Variants in FANCC observed in about 807,000 individuals in gnomAD.
FANCC encodes the protein FA complementation group C.
A neutral mutation model predicts 71.3 loss-of-function variants in FANCC; 55 were observed. The observed-to-expected ratio is 0.77, with a 90% CI of 0.62 to 0.97. The LOEUF is 0.97. FANCC is among the 50% of genes least tolerant of loss of function. The pLI, the probability that FANCC is intolerant of heterozygous loss-of-function variation, is 0.00. For missense variants in FANCC, 678 were observed against 670.9 expected (o/e 1.01, Z -0.12); for synonymous variants, 275 against 244.9 (o/e 1.12, Z -1.15).
chr9:95,114,422 A>G, intron 12 of FANCC: 1 of 654,232 alleles, frequency 1.5e-6, no homozygotes, highest in Admixed American at 2.1e-5. Context: ...ACATGCATAC[A>G]TGCGCATGCC....
Position 95,143,153 on chromosome 9 carries a change from T to C in FANCC, c.686+6770A>G, listed in dbSNP as rs543310730. Among the ~76,000 whole-genome samples, 38 of 152,334 alleles carry C rather than the reference T, an allele frequency of 2.5e-4. No homozygotes were observed. The South Asian group carries it at 6.6e-3, about 27-fold the overall frequency. On this transcript the variant is annotated intron_variant, in intron 7 of 14. Transcript: ENST00000289081. ...CACTTTACTTGCCATTACCAATTTA[T>C]TCTGAAAGATACAATTCAGGAACAG...
rs189023356 is a variant in FANCC, at chr9:95,146,781, A to C, written c.686+3142T>G. On this transcript the variant is annotated intron_variant, in intron 7 of 14. Transcript: ENST00000289081. ...CTACAGCAGTAGTCAGAGGCCATGC[A>C]ACAATTTTCAAAGTGGGGTTCAAAG... Among the ~76,000 whole-genome samples, 762 of 152,070 alleles carry C rather than the reference A, an allele frequency of 5.0e-3. 8 individuals are homozygous for C. The highest frequency in any genetic ancestry group is 8.8e-3 in the Non-Finnish European group (598 of 67,970).
rs957131980 is a variant in FANCC, at chr9:95,158,082, C to T, written c.522-7995G>A. Among the ~76,000 whole-genome samples the T allele has an allele frequency of 1.2e-4, 19 of 152,162 alleles. No homozygotes were observed. The East Asian group carries it at 3.7e-3, about 29-fold the overall frequency. On this transcript the variant is annotated intron_variant, in intron 6 of 14. Transcript: ENST00000289081. ...ACCTGCCTGCCTATTTGAGACGCTA[C>T]ATGAGTGATGCACACAGGCAACTCT...
intron 6 of FANCC, among the ~76,000 whole-genome samples, chr9:95,153,577 C>T (rs1220289781): frequency 2.6e-5 from 4 of 152,106 alleles, no homozygotes; most frequent in Admixed American, 6.5e-5. Context: ...CCTGATGATT[C>T]GTGATGTTGA....
At chr9:95,239,430 GA>G (rs1386407214) in intron 4 of FANCC, among the ~76,000 whole-genome samples, 1 of 152,196 alleles carries the variant, frequency 6.6e-6, no homozygotes, top group Non-Finnish European at 1.5e-5. Flanking sequence ...GTTAAATGAA[GA>G]AAGTTAATCC....
At chr9:95,168,687 C>T (rs758180320) in intron 6 of FANCC, among the ~76,000 whole-genome samples, 6 of 152,182 alleles carry the variant, frequency 3.9e-5, no homozygotes, top group Non-Finnish European at 7.3e-5. Flanking sequence ...TAAGCCACCA[C>T]GCCCAGCTAA....
At chr9:95,127,471 C>T (rs992877991) in intron 8 of FANCC, 1 of 152,182 alleles carries the variant, frequency 6.6e-6, no homozygotes, top group Non-Finnish European at 1.5e-5. Context: ...AGAGGACAAC[C>T]CGATTCCAGG....
rs555376028 is a variant in FANCC, at chr9:95,254,296, C to T, written c.-78-4927G>A. The stretch of plus-strand genomic sequence containing the variant: ...AACCTCCACAGGCTGGCAAGATGGC[C>T]GAATAGGAACAGCTCTGGTCTGCAG... On this transcript the variant is annotated intron_variant, in intron 1 of 14. Coordinates refer to ENST00000289081, the MANE Select transcript of FANCC (RefSeq NM_000136.3). 2.1e-4 allele frequency among the ~76,000 whole-genome samples: 32 copies of T among 152,304 alleles called. No individual in the cohort carries two copies. The East Asian group carries it at 3.9e-3, about 18-fold the overall frequency.
At chr9:95,242,479 C>CAAAAAAAAAAAAAA (rs1162048314) in intron 3 of FANCC, among the ~76,000 whole-genome samples, 1 of 56,238 alleles carries the variant, frequency 1.8e-5, no homozygotes, top group Non-Finnish European at 3.7e-5. Flanking sequence ...CATTCACCAC[C>CAAAAAAAAAAAAAA]AAAAAAAAAA....
intron 1 of FANCC, among the ~76,000 whole-genome samples, chr9:95,314,949 A>G (rs1375649803): frequency 1.3e-5 from 2 of 152,164 alleles, no homozygotes; most frequent in East Asian, 3.8e-4. Flanking sequence ...AAAAAATAAC[A>G]AACTGATACT....
At position 95,101,554 on chromosome 9, in the gene FANCC, T is replaced by TA. The variant is rs1162318465; in HGVS notation, c.*152dup. 8 of 891,874 alleles carry TA rather than the reference T, an allele frequency of 9.0e-6. No homozygotes were observed. Among genetic ancestry groups the TA allele is most frequent in the African/African-American group, 1.7e-5 (1 of 60,128 alleles). The allele number at this position is 891,874 out of a possible 1,614,324, so 55.2% of individuals were successfully genotyped here. Reference sequence around the variant, plus strand: ...CTGGCTCTGCATTTTGTAAAATAGATACTAGCAGATTGTCCCAAGATGTGT... The same window carrying TA: ...CTGGCTCTGCATTTTGTAAAATAGATAACTAGCAGATTGTCCCAAGATGTGT... On this transcript the variant is annotated 3_prime_UTR_variant, in exon 15 of 15. Transcript: ENST00000289081.
At chr9:95,288,379 AG>A (rs1462286073) in intron 1 of FANCC, among the ~76,000 whole-genome samples, 1 of 152,106 alleles carries the variant, frequency 6.6e-6, no homozygotes, top group Non-Finnish European at 1.5e-5. Flanking sequence ...ATATATGTCA[AG>A]GGATTTTCTT....
rs1051087560 is a variant in FANCC at position 95,175,626 on chromosome 9, G to A, written c.346-3479C>T. On this transcript the variant is annotated intron_variant, in intron 4 of 14. Transcript: ENST00000289081. Reference sequence around the variant, plus strand: ...ATGGCTGGGTGGGCAGAGTCAGGGAGCTCAGGTACAAGCCAGCGTGCCATC... The same window carrying A: ...ATGGCTGGGTGGGCAGAGTCAGGGAACTCAGGTACAAGCCAGCGTGCCATC... 1.1e-4 allele frequency among the ~76,000 whole-genome samples: 16 copies of A among 152,328 alleles called. No individual in the cohort carries two copies. In the East Asian group the frequency reaches 3.1e-3, roughly 29 times the overall value.
At chr9:95,252,872 G>A (rs1315619115) in intron 1 of FANCC, among the ~76,000 whole-genome samples, 1 of 148,460 alleles carries the variant, frequency 6.7e-6, no homozygotes, top group African/African-American at 2.5e-5. Flanking sequence ...AACATACCAA[G>A]ACCCCATCTC....
chr9:95,290,114 C>T (rs139155510), intron 1 of FANCC, among the ~76,000 whole-genome samples: 231 of 152,286 alleles, frequency 1.5e-3, no homozygotes, highest in Non-Finnish European at 2.7e-3. Flanking sequence ...CCTGAGTAGG[C>T]ACACATGTCA....
intron 1 of FANCC, among the ~76,000 whole-genome samples, chr9:95,280,567 T>A (rs1435028682): frequency 1.3e-5 from 2 of 152,144 alleles, no homozygotes; most frequent in African/African-American, 2.4e-5. Flanking sequence ...ATATAACAAA[T>A]GTGCTCTGAT....
At chr9:95,215,280 T>C (rs2135901241) in intron 4 of FANCC, among the ~76,000 whole-genome samples, 1 of 152,014 alleles carries the variant, frequency 6.6e-6, no homozygotes, top group Non-Finnish European at 1.5e-5. Context: ...GAGCCTCTCT[T>C]AGGGGAGCAG....
At chr9:95,115,933 CAGA>C (rs1250475583) in intron 11 of FANCC, among the ~76,000 whole-genome samples, 1 of 152,204 alleles carries the variant, frequency 6.6e-6, no homozygotes, top group Admixed American at 6.5e-5. Context: ...TTCTGATAAA[CAGA>C]AGATCATGCC....
At chr9:95,306,707 C>A (rs1835087525) in intron 1 of FANCC, among the ~76,000 whole-genome samples, 2 of 152,146 alleles carry the variant, frequency 1.3e-5, no homozygotes, top group Admixed American at 6.6e-5. Flanking sequence ...AAAAGGTTAT[C>A]ATCTCATAAC....
Sources: allele counts gnomAD v4.1 joint callset (sites outside exome capture counted in the v4.1 genomes callset), GRCh38; gene constraint gnomAD v4.1.1; transcripts MANE v1.5; gene names NCBI Gene and HGNC (gene_info 2026-07-23, HGNC 2026-07-21).